The following CRYL1 variants were observed in gnomAD, a reference collection of about 807,000 sequenced individuals.
The protein encoded by CRYL1 is lambda-crystallin homolog.
In CRYL1, 29 loss-of-function variants were observed where a neutral mutation model predicts 36.6. The observed-to-expected ratio is 0.79, with a 90% CI of 0.59 to 1.08. The LOEUF is 1.08. Ranked by LOEUF, CRYL1 falls within the 50% of genes least tolerant of loss-of-function variation. The pLI is 0.00. For missense variants in CRYL1, 411 were observed against 407.9 expected, an observed-to-expected ratio of 1.01 and a Z score of -0.06; for synonymous variants, 152 against 151.5, an observed-to-expected ratio of 1.00 and a Z score of -0.02.
intron 5 of CRYL1, 136 bp from the exon 6 acceptor site, chr13:20,413,523 C>CCT: frequency 3.5e-6 from 2 of 577,188 alleles, no homozygotes; most frequent in Non-Finnish European, 6.2e-6. Flanking sequence ...TACCACTTAC[C>CCT]GAATATGCTT....
At chr13:20,519,339 C>A (rs1257454042) in intron 1 of CRYL1, among the ~76,000 whole-genome samples, 1 of 152,044 alleles carries the variant, frequency 6.6e-6, no homozygotes, top group Non-Finnish European at 1.5e-5. Context: ...AGATGAATGG[C>A]GGTGGGGACC....
At chr13:20,494,374 C>G (rs1461504929) in intron 2 of CRYL1, among the ~76,000 whole-genome samples, 1 of 152,182 alleles carries the variant, frequency 6.6e-6, no homozygotes, top group Non-Finnish European at 1.5e-5. Flanking sequence ...ATCCTCATCT[C>G]TCCACCCTCC....
intron 3 of CRYL1, among the ~76,000 whole-genome samples, chr13:20,460,027 AT>A (rs1191929048): frequency 6.6e-6 from 1 of 152,122 alleles, no homozygotes; most frequent in East Asian, 1.9e-4. Flanking sequence ...ATGATTTGGA[AT>A]TTTTTTCTTT....
At chr13:20,479,903 C>G (rs1213008746) in intron 3 of CRYL1, among the ~76,000 whole-genome samples, 3 of 152,172 alleles carry the variant, frequency 2.0e-5, no homozygotes, top group Non-Finnish European at 4.4e-5. Context: ...TGCGCTCTCC[C>G]ACGGCACACA....
At chr13:20,507,833 G>A (rs572853815) in intron 2 of CRYL1, among the ~76,000 whole-genome samples, 11 of 151,262 alleles carry the variant, frequency 7.3e-5, no homozygotes, top group African/African-American at 2.4e-4. Context: ...CAGGAGAATG[G>A]CATGAACCTG....
chr13:20,481,628 T>C lies in CRYL1; in HGVS notation c.276+7742A>G, dbSNP rs966788985. ...CAGTTTTTAAAGAAAAAAACACGTA[T>C]GGCCATGCGTGGTGGCTCACTCCTG... On this transcript the variant is annotated intron_variant, in intron 3 of 7. Coordinates refer to ENST00000298248, the MANE Select transcript of CRYL1 (RefSeq NM_015974.3). The surrounding 1 kb of genome is among the most constrained non-coding windows in gnomAD (Gnocchi z 4.1). 2.6e-5 allele frequency among the ~76,000 whole-genome samples: 4 copies of C among 152,188 alleles called. No individual in the cohort carries two copies. The highest frequency in any genetic ancestry group is 9.7e-5 in the African/African-American group (4 of 41,446).
At chr13:20,452,273 C>A in intron 3 of CRYL1, among the ~76,000 whole-genome samples, 1 of 142,904 alleles carries the variant, frequency 7.0e-6, no homozygotes, top group East Asian at 2.1e-4. Flanking sequence ...CCCAACCCAA[C>A]TCTAAACTAT....
At chr13:20,423,412 C>T (rs986123517) in intron 5 of CRYL1, among the ~76,000 whole-genome samples, 8 of 152,082 alleles carry the variant, frequency 5.3e-5, no homozygotes, top group African/African-American at 1.9e-4. Flanking sequence ...TCACGTATGA[C>T]CTTTATCGTG....
chr13:20,452,478 T>G (rs1353933081), intron 3 of CRYL1, among the ~76,000 whole-genome samples: 1 of 152,068 alleles, frequency 6.6e-6, no homozygotes, highest in Admixed American at 6.6e-5. Flanking sequence ...GGGTCAATTT[T>G]CCAAGAAGAT....
At chr13:20,461,900 T>C (rs373463066) in intron 3 of CRYL1, among the ~76,000 whole-genome samples, 4 of 142,078 alleles carry the variant, frequency 2.8e-5, no homozygotes, top group African/African-American at 5.2e-5. Flanking sequence ...GGGCTCAGCA[T>C]TGTGGGAGGA....
chr13:20,478,316 G>A (rs536716195), intron 3 of CRYL1, among the ~76,000 whole-genome samples: 1 of 151,970 alleles, frequency 6.6e-6, no homozygotes, highest in African/African-American at 2.4e-5. Flanking sequence ...TTTGACTTTG[G>A]GCATTAATTT....
At chr13:20,452,152 G>T (rs1593453335) in intron 3 of CRYL1, among the ~76,000 whole-genome samples, 2 of 151,028 alleles carry the variant, frequency 1.3e-5, no homozygotes, top group Middle Eastern at 6.8e-3. Flanking sequence ...GGGAGAGGGA[G>T]AGAGTTGAAA....
chr13:20,497,171 A>G (rs538703933), intron 2 of CRYL1, among the ~76,000 whole-genome samples: 17 of 152,174 alleles, frequency 1.1e-4, no homozygotes, highest in Admixed American at 3.3e-4. Flanking sequence ...TAGGCCAGAC[A>G]CAAGAGGCCG....
chr13:20,422,780 A>T (rs577234731), intron 5 of CRYL1, among the ~76,000 whole-genome samples: 2 of 152,340 alleles, frequency 1.3e-5, no homozygotes, highest in Admixed American at 6.5e-5. Context: ...CTCGAGTGGT[A>T]TCTACAGTCT....
At chr13:20,422,462 C>T (rs545791028) in intron 5 of CRYL1, among the ~76,000 whole-genome samples, 4 of 152,052 alleles carry the variant, frequency 2.6e-5, no homozygotes, top group African/African-American at 4.8e-5. Flanking sequence ...ATTATCCCTG[C>T]GAACATCTGC....
intron 2 of CRYL1, among the ~76,000 whole-genome samples, chr13:20,503,503 G>A (rs1454075614): frequency 6.6e-6 from 1 of 152,192 alleles, no homozygotes; most frequent in Non-Finnish European, 1.5e-5. Context: ...CAGATGAGGA[G>A]GGAAGAAGGG....
chr13:20,411,766 C>T (rs566959721), intron 6 of CRYL1, among the ~76,000 whole-genome samples: 1 of 152,292 alleles, frequency 6.6e-6, no homozygotes, highest in African/African-American at 2.4e-5. Flanking sequence ...TCCCATAAAA[C>T]TAACACACAC....
chr13:20,509,731 C>T (rs1216737406), intron 2 of CRYL1, among the ~76,000 whole-genome samples: 1 of 152,102 alleles, frequency 6.6e-6, no homozygotes, highest in African/African-American at 2.4e-5. Context: ...AGTTTGAGAC[C>T]AGCCTGGTCA....
At chr13:20,511,387 T>C (rs561258675) in intron 2 of CRYL1, among the ~76,000 whole-genome samples, 61 of 152,272 alleles carry the variant, frequency 4.0e-4, no homozygotes, top group Admixed American at 9.8e-4. Flanking sequence ...CTACCAGGCC[T>C]GGACAAGGTT....
Sources: allele counts gnomAD v4.1 joint callset (sites outside exome capture counted in the v4.1 genomes callset), GRCh38; gene constraint gnomAD v4.1.1; non-coding constraint Gnocchi (gnomAD v3.1); transcripts MANE v1.5; gene names NCBI Gene and HGNC (gene_info 2026-07-23, HGNC 2026-07-21).